The following NBEA variants were observed in gnomAD, a reference collection of about 807,000 sequenced individuals.
NBEA encodes neurobeachin, also known as lysosomal-trafficking regulator 2.
In NBEA, 44 loss-of-function variants were observed where a neutral mutation model predicts 343.4. The observed-to-expected ratio is 0.13, with a 90% CI of 0.10 to 0.16. The LOEUF (loss-of-function observed/expected upper bound fraction) is 0.16, where lower values mean the gene tolerates loss of function less well. Among genes scored for constraint, NBEA ranks in the 10% least tolerant of loss-of-function variants. The pLI is 1.00. For missense variants in NBEA, 2,555 were observed against 3,631.3 expected, an observed-to-expected ratio of 0.70 and a Z score of 7.62; for synonymous variants, 1,175 against 1,238.7, an observed-to-expected ratio of 0.95 and a Z score of 1.08.
At chr13:35,018,520 T>G (rs571779668) in intron 1 of NBEA, among the ~76,000 whole-genome samples, 1 of 152,164 alleles carries the variant, frequency 6.6e-6, no homozygotes, top group Non-Finnish European at 1.5e-5. Flanking sequence ...TTCTTTTTAG[T>G]TTTAATTTAT....
intron 31 of NBEA, among the ~76,000 whole-genome samples, chr13:35,200,183 A>G (rs567337727): frequency 1.3e-5 from 2 of 152,116 alleles, no homozygotes; most frequent in East Asian, 1.9e-4. Flanking sequence ...TAACAATACT[A>G]TCTCTTTAGA....
chr13:35,112,687 C>A (rs540612895), intron 13 of NBEA, among the ~76,000 whole-genome samples: 2 of 152,260 alleles, frequency 1.3e-5, no homozygotes, highest in South Asian at 4.1e-4. Context: ...TCATATGTCC[C>A]TCACCAGATT....
At chr13:34,997,989 G>A (rs559049780) in intron 1 of NBEA, among the ~76,000 whole-genome samples, 1 of 152,030 alleles carries the variant, frequency 6.6e-6, no homozygotes, top group Admixed American at 6.6e-5. Context: ...CTTGTTAAAG[G>A]CATGTAACTA....
chr13:35,262,396 T>G (rs1479533980), intron 34 of NBEA, among the ~76,000 whole-genome samples: 1 of 152,210 alleles, frequency 6.6e-6, no homozygotes, highest in South Asian at 2.1e-4. Context: ...ACATCAGTTA[T>G]TGGTGTAATA....
At chr13:35,323,948 C>T (rs907461429) in intron 36 of NBEA, among the ~76,000 whole-genome samples, 57 of 151,980 alleles carry the variant, frequency 3.8e-4, no homozygotes, top group African/African-American at 1.2e-3. Context: ...TCTTGGTTTA[C>T]TCATTGCATA....
chr13:35,260,834 A>G (rs1041472949), intron 34 of NBEA, among the ~76,000 whole-genome samples: 2 of 152,206 alleles, frequency 1.3e-5, no homozygotes, highest in African/African-American at 4.8e-5. Flanking sequence ...TTCCTGGGAC[A>G]GAGAGTAGAC....
chr13:35,026,112 TAGTG>T (rs2062012429), intron 1 of NBEA, among the ~76,000 whole-genome samples: 1 of 152,062 alleles, frequency 6.6e-6, no homozygotes, highest in South Asian at 2.1e-4. Context: ...GTTCTCATGA[TAGTG>T]AGTGAGTCTT....
intron 41 of NBEA, among the ~76,000 whole-genome samples, chr13:35,533,450 A>G (rs955719550): frequency 6.6e-6 from 1 of 152,140 alleles, no homozygotes. Flanking sequence ...ACATATAGGT[A>G]TGTCCCTTTC....
chr13:35,169,191 C>T (rs1390893951), intron 25 of NBEA, among the ~76,000 whole-genome samples, 196 bp downstream of exon 25: 1 of 151,402 alleles, frequency 6.6e-6, no homozygotes. Flanking sequence ...TTATTATGCA[C>T]AATAATCCCT....
intron 10 of NBEA, 27 bp from the exon 11 acceptor site, chr13:35,098,270 A>G (rs1284957832): frequency 1.4e-6 from 2 of 1,446,286 alleles, no homozygotes; most frequent in Non-Finnish European, 1.9e-6. Flanking sequence ...TGATGATTAC[A>G]TAATGATGTC....
rs748591849 is a variant in NBEA, at chr13:35,110,893, A to G, written c.1917A>G (p.Thr639=). 4 of 1,612,288 alleles carry G rather than the reference A, an allele frequency of 2.5e-6. No homozygotes were observed. The highest frequency in any genetic ancestry group is 2.2e-5 in the South Asian group (2 of 91,046). ...ACACCACCATACGCAGAGTAGGAACAGTATTACAGCTAATGCACACCTTAA... is the reference window on the plus strand; with the variant it reads ...ACACCACCATACGCAGAGTAGGAACGGTATTACAGCTAATGCACACCTTAA... ...TIYTTIRRVG[T]VLQLMHTLKY... Residue 639 remains threonine (T), a synonymous_variant, in exon 13 of 59, where the codon ACA becomes ACG. Coordinates refer to ENST00000379939, the MANE Select transcript of NBEA (RefSeq NM_001385012.1).
intron 38 of NBEA, among the ~76,000 whole-genome samples, chr13:35,397,936 C>T (rs906564442): frequency 1.3e-5 from 2 of 152,126 alleles, no homozygotes; most frequent in African/African-American, 4.8e-5. Context: ...AGTTTTGCCA[C>T]ATCAGTTGAC....
intron 1 of NBEA, among the ~76,000 whole-genome samples, chr13:34,987,859 C>T (rs187270475): frequency 6.6e-6 from 1 of 151,106 alleles, no homozygotes; most frequent in East Asian, 1.9e-4. Context: ...CATTTAAATT[C>T]TTCTATGCAC....
chr13:35,364,757 G>T (rs2041006459), intron 38 of NBEA, among the ~76,000 whole-genome samples: 1 of 151,836 alleles, frequency 6.6e-6, no homozygotes, highest in South Asian at 2.1e-4. Flanking sequence ...CAGTAGATAA[G>T]TGAAATGGCC....
chr13:35,206,205 A>G (rs2073385777), intron 31 of NBEA, among the ~76,000 whole-genome samples: 1 of 152,168 alleles, frequency 6.6e-6, no homozygotes, highest in Admixed American at 6.6e-5. Context: ...AATATAACTT[A>G]TTTCTCATAG....
chr13:35,289,538 A>T (rs555767366), intron 34 of NBEA, among the ~76,000 whole-genome samples: 49 of 152,038 alleles, frequency 3.2e-4, no homozygotes, highest in Middle Eastern at 3.4e-3. Context: ...TACAGCAGTC[A>T]TACTTTTAAT....
chr13:35,381,579 G>A (rs117072776), intron 38 of NBEA, among the ~76,000 whole-genome samples: 3,531 of 152,148 alleles, frequency 0.023, 49 homozygotes, highest in Non-Finnish European at 0.033. Flanking sequence ...TTAAAATAAA[G>A]TATGAGAGCA....
intron 40 of NBEA, among the ~76,000 whole-genome samples, chr13:35,460,179 C>T (rs1038155413): frequency 4.6e-5 from 7 of 152,210 alleles, no homozygotes; most frequent in Non-Finnish European, 7.4e-5. Flanking sequence ...GAATTTTCCC[C>T]GTATTTTTTA....
intron 6 of NBEA, among the ~76,000 whole-genome samples, chr13:35,054,668 A>G (rs1275776659): frequency 1.4e-5 from 2 of 144,324 alleles, no homozygotes; most frequent in Non-Finnish European, 3.0e-5. Context: ...TTTTGAGACA[A>G]AGTCTTGCCC....
Sources: allele counts gnomAD v4.1 joint callset (sites outside exome capture counted in the v4.1 genomes callset), GRCh38; gene constraint gnomAD v4.1.1; transcripts MANE v1.5; gene names NCBI Gene and HGNC (gene_info 2026-07-23, HGNC 2026-07-21).